Variants in ANKRD55 observed in about 807,000 individuals in gnomAD.
ANKRD55 encodes ankyrin repeat domain 55.
A neutral mutation model predicts 60.6 loss-of-function variants in ANKRD55; 41 were observed. The observed-to-expected ratio is 0.68, with a 90% confidence interval of 0.53 to 0.88. The LOEUF (loss-of-function observed/expected upper bound fraction) is 0.88, where lower values mean the gene tolerates loss of function less well. Among genes scored for constraint, ANKRD55 ranks in the 40% least tolerant of loss-of-function variants. The probability of loss-of-function intolerance (pLI) is 0.00; values close to 1 mark genes in which losing one functional copy is unlikely to be tolerated. For synonymous variants in ANKRD55, 264 were observed against 290.3 expected, an observed-to-expected ratio of 0.91 and a Z score of 0.92; for missense variants, 732 against 767.6, an observed-to-expected ratio of 0.95 and a Z score of 0.55.
chr5:56,153,841 A>T (rs1758119832), intron 6 of ANKRD55, among the ~76,000 whole-genome samples: 1 of 151,786 alleles, frequency 6.6e-6, no homozygotes, highest in Non-Finnish European at 1.5e-5. Context: ...CTCGAAAAAA[A>T]CAAAACAACA....
intron 6 of ANKRD55, among the ~76,000 whole-genome samples, chr5:56,150,499 G>C (rs540612211): frequency 2.1e-4 from 32 of 152,170 alleles, no homozygotes; most frequent in African/African-American, 7.2e-4. Context: ...AGCTACTTGG[G>C]AGGCTGAGGT....
chr5:56,218,813 G>C (rs112776408), intron 2 of ANKRD55, among the ~76,000 whole-genome samples: 2,028 of 152,236 alleles, frequency 0.013, 49 homozygotes, highest in African/African-American at 0.047. Context: ...CACACAGAGA[G>C]AGAGAGAGAG....
intron 2 of ANKRD55, among the ~76,000 whole-genome samples, chr5:56,210,302 C>T (rs992306334): frequency 2.0e-5 from 3 of 152,084 alleles, no homozygotes; most frequent in African/African-American, 7.2e-5. Context: ...AGGCCGGGCG[C>T]GGTGGCTCAA....
chr5:56,188,379 GAAAAAGA>G (rs1010236858), intron 2 of ANKRD55, among the ~76,000 whole-genome samples: 1 of 129,202 alleles, frequency 7.7e-6, no homozygotes, highest in Non-Finnish European at 1.6e-5. Flanking sequence ...CAAAAAAAAA[GAAAAAGA>G]AAAAAGAAAT....
At chr5:56,206,100 C>T (rs369065398) in intron 2 of ANKRD55, among the ~76,000 whole-genome samples, 129 of 151,848 alleles carry the variant, frequency 8.5e-4, no homozygotes, top group Admixed American at 2.2e-3. Context: ...CTCAGCCTCC[C>T]GAGTAGCTGG....
chr5:56,148,105 G>A lies in ANKRD55; in HGVS notation c.484-4176C>T, dbSNP rs775748759. Among the ~76,000 whole-genome samples the A allele has an allele frequency of 7.2e-5, 11 of 152,340 alleles. No homozygotes were observed. In the Middle Eastern group the frequency reaches 0.017, roughly 236 times the overall value. The stretch of plus-strand genomic sequence containing the variant: ...CACTGAGCACACAGTAAGTGTTCAA[G>A]AAATGCTTACTGGAAGAATTAATTA... On this transcript the variant is annotated intron_variant, in intron 6 of 11. Coordinates refer to ENST00000341048, the MANE Select transcript of ANKRD55 (RefSeq NM_024669.3).
chr5:56,152,118 ATT>A (rs57126840), intron 6 of ANKRD55, among the ~76,000 whole-genome samples: 2 of 89,902 alleles, frequency 2.2e-5, no homozygotes, highest in East Asian at 2.9e-4. Flanking sequence ...ACCCTACTCC[ATT>A]TTTTTTTTTT....
intron 8 of ANKRD55, among the ~76,000 whole-genome samples, chr5:56,122,983 C>G (rs1479987726): frequency 6.6e-6 from 1 of 152,024 alleles, no homozygotes; most frequent in East Asian, 1.9e-4. Context: ...CAAGGCTGCT[C>G]TCGAACTCCT....
chr5:56,163,345 C>T (rs770931922), intron 5 of ANKRD55, among the ~76,000 whole-genome samples: 2 of 152,094 alleles, frequency 1.3e-5, no homozygotes, highest in African/African-American at 2.4e-5. Context: ...AGGTGACCTG[C>T]GAGATACTTG....
intron 7 of ANKRD55, among the ~76,000 whole-genome samples, chr5:56,135,363 CTTT>C (rs1757564720): frequency 1.9e-5 from 2 of 103,872 alleles, no homozygotes; most frequent in South Asian, 3.0e-4. Flanking sequence ...TTCTTTCTTT[CTTT>C]CCTTCTTTCT....
intron 7 of ANKRD55, chr5:56,137,527 AG>A: frequency 1.3e-6 from 1 of 771,122 alleles, no homozygotes; most frequent in Non-Finnish European, 2.3e-6. Context: ...ATGGCACGAG[AG>A]TAAATTCAGC....
At chr5:56,112,900 A>G (rs1163272825) in intron 9 of ANKRD55, among the ~76,000 whole-genome samples, 4 of 152,218 alleles carry the variant, frequency 2.6e-5, no homozygotes, top group Non-Finnish European at 5.9e-5. Flanking sequence ...TTTTCTCTAC[A>G]GGTCACACAG....
At chr5:56,192,722 C>A in intron 2 of ANKRD55, 1 of 1,365,952 alleles carries the variant, frequency 7.3e-7, no homozygotes, top group Non-Finnish European at 1.0e-6. Context: ...ACAGAATCAT[C>A]TAGGAGGACA....
chr5:56,101,753 T>C (rs1756282598), intron 11 of ANKRD55, among the ~76,000 whole-genome samples: 3 of 152,032 alleles, frequency 2.0e-5, no homozygotes, highest in South Asian at 4.2e-4. Flanking sequence ...AATAAATCAA[T>C]AATACCAAAA....
Position 56,111,156 on chromosome 5 carries a change from A to C in ANKRD55, c.1592T>G (p.Val531Gly), listed in dbSNP as rs749946026. ...ATGTAGATGGCGAAGGTGTGGTGGCACGGAGACCTCTTGGTGACCAGGCCG... is the reference window on the plus strand; with the variant it reads ...ATGTAGATGGCGAAGGTGTGGTGGCCCGGAGACCTCTTGGTGACCAGGCCG... ...SVRPGHQEVSVPPHLRHLHNP... is the reference protein window; with the variant it reads ...SVRPGHQEVSGPPHLRHLHNP... The change falls in exon 10 of 12, where the codon GTG (valine) becomes GGG (glycine). Residue 531 changes from valine to glycine, a missense_variant. Around this residue, in one of 3 missense-constraint regions of ANKRD55, gnomAD observed 597 missense variants for 607.5 expected, o/e 0.98. Coordinates refer to ENST00000341048, the MANE Select transcript of ANKRD55 (RefSeq NM_024669.3). 2.5e-6 allele frequency: 4 copies of C among 1,614,220 alleles called. No individual in the cohort carries two copies. The highest frequency in any genetic ancestry group is 3.4e-6 in the Non-Finnish European group (4 of 1,180,038).
At position 56,194,315 on chromosome 5, in the gene ANKRD55, CAA is replaced by C. The variant is rs551227581; in HGVS notation, c.59-10683_59-10682del. The stretch of plus-strand genomic sequence containing the variant: ...TGGGTGACAGAGTGAGACTCCATCT[CAA>C]AAAAAAAAAAAAAAAGAAAATTTTA... On this transcript the variant is annotated intron_variant, in intron 2 of 11. Transcript: ENST00000341048. 2.3e-3 allele frequency among the ~76,000 whole-genome samples: 131 copies of C among 57,952 alleles called. 2 individuals carry two copies. In the Middle Eastern group the frequency reaches 0.068, roughly 30 times the overall value. The allele number at this position is 57,952 out of a possible 152,430, so 38.0% of individuals were successfully genotyped here.
rs143265184 is a variant in ANKRD55, at chr5:56,162,142, C to A, written c.423-2249G>T. 8.9e-5 allele frequency: 46 copies of A among 515,746 alleles called. No homozygotes were observed. The African/African-American group carries it at 9.2e-4, about 10-fold the overall frequency. The allele number at this position is 515,746 out of a possible 1,614,324, so 31.9% of individuals were successfully genotyped here. A position where few individuals can be genotyped will look rare whatever the true frequency, so the allele number is the denominator to read the frequency against. ...GGTCCAGTGTGGTTATCCTTGGTTACTCCTGAGCAGACAGAGATTATCTGT... is the reference window on the plus strand; with the variant it reads ...GGTCCAGTGTGGTTATCCTTGGTTAATCCTGAGCAGACAGAGATTATCTGT... On this transcript the variant is annotated intron_variant, in intron 5 of 11. Transcript: ENST00000341048.
chr5:56,109,038 AACACACACACACACACACACACAC>A (rs60023559), intron 10 of ANKRD55, among the ~76,000 whole-genome samples: 2 of 143,878 alleles, frequency 1.4e-5, no homozygotes, highest in Non-Finnish European at 3.0e-5. Context: ...TCTGTCTCAA[AACACACACACACACACACACACAC>A]ACACACACAC....
Position 56,232,849 on chromosome 5 carries a change from A to G in ANKRD55, c.58+7T>C. 1 of 1,613,882 alleles carries G rather than the reference A, an allele frequency of 6.2e-7. No homozygotes were observed. Among genetic ancestry groups the G allele is most frequent in the Non-Finnish European group, 8.5e-7 (1 of 1,179,790 alleles). On this transcript the variant is annotated splice_region_variant and intron_variant, in intron 2 of 11. Transcript: ENST00000341048. ...CAACCAAAGAATGTGTTAAAGCAGCATTTTACCTCTTTGCTGATCAAACAC... is the reference window on the plus strand; with the variant it reads ...CAACCAAAGAATGTGTTAAAGCAGCGTTTTACCTCTTTGCTGATCAAACAC...
Sources: gnomAD v4.1 joint callset for allele counts (sites outside exome capture counted in the v4.1 genomes callset) on GRCh38, gnomAD v4.1.1 for gene constraint, gnomAD v4.1.1 regional missense constraint, MANE v1.5 for transcripts, NCBI Gene and HGNC (gene_info 2026-07-23, HGNC 2026-07-21) for gene names.